Variants in BTK observed in about 807,000 individuals in gnomAD.
BTK encodes the protein tyrosine-protein kinase BTK.
In BTK, 5 loss-of-function variants were observed where a neutral mutation model predicts 57.4. The observed-to-expected ratio is 0.09, with a 90% CI of 0.05 to 0.18. BTK has a LOEUF of 0.18. BTK is among the 10% of genes least tolerant of loss of function. The pLI, the probability that BTK is intolerant of heterozygous loss-of-function variation, is 1.00. For synonymous variants in BTK, 154 were observed against 174.3 expected (o/e 0.88, Z 0.92); for missense variants, 194 against 501.2 (o/e 0.39, Z 5.85).
At chrX:101,389,569 C>T (rs782186904), upstream of BTK, among the ~76,000 whole-genome samples, 4 of 111,358 alleles carry the variant, frequency 3.6e-5, 1 homozygote, top group East Asian at 1.1e-3. Context: ...TCAGGTCCCA[C>T]GCGTGTTCCT....
intron 1 of BTK, among the ~76,000 whole-genome samples, chrX:101,379,640 T>C (rs943319800): frequency 8.9e-6 from 1 of 112,323 alleles, no homozygotes; most frequent in South Asian, 3.7e-4. Context: ...ATTTGTTTTT[T>C]GGTCTTTGAT....
intron 16 of BTK, 171 bp from the exon 17 acceptor site, chrX:101,354,159 G>A: frequency 2.1e-6 from 1 of 466,038 alleles, no homozygotes; most frequent in Non-Finnish European, 3.8e-6. Context: ...TCCTGTTTTT[G>A]TATCTGATTG....
At chrX:101,363,945 G>T (rs899604400) in intron 5 of BTK, among the ~76,000 whole-genome samples, 1 of 102,721 alleles carries the variant, frequency 9.7e-6, no homozygotes, top group Non-Finnish European at 2.0e-5. Context: ...TATTGGAGAT[G>T]GGGTCTTCCT....
intron 5 of BTK, among the ~76,000 whole-genome samples, chrX:101,363,101 A>G (rs1417366859): frequency 8.9e-6 from 1 of 112,194 alleles, no homozygotes; most frequent in Non-Finnish European, 1.9e-5. Context: ...CAGTTCCTTG[A>G]GTGATCTTTT....
At chrX:101,378,354 A>T (rs782746119) in intron 1 of BTK, among the ~76,000 whole-genome samples, 3 of 111,146 alleles carry the variant, frequency 2.7e-5, no homozygotes, top group Non-Finnish European at 5.7e-5. Context: ...AAAGTGCTGG[A>T]ATTACAGGTA....
chrX:101,384,948 T>C (rs1300967060), intron 1 of BTK, among the ~76,000 whole-genome samples: 6 of 111,649 alleles, frequency 5.4e-5, no homozygotes, highest in African/African-American at 2.0e-4. Context: ...TGGGGGACAT[T>C]GGCAGGTCTG....
intron 3 of BTK, among the ~76,000 whole-genome samples, chrX:101,372,453 A>AT (rs1213468686): frequency 8.1e-4 from 85 of 105,051 alleles, no homozygotes; most frequent in Admixed American, 1.1e-3. Flanking sequence ...ATAAAATGCT[A>AT]TTTTTTTTTT....
At chrX:101,375,998 T>C (rs1241576880) in intron 1 of BTK, among the ~76,000 whole-genome samples, 1 of 110,875 alleles carries the variant, frequency 9.0e-6, no homozygotes, top group Non-Finnish European at 1.9e-5. Context: ...TAGTTGTTGT[T>C]TTCTGACCTT....
At chrX:101,371,853 G>A (rs1927043519) in intron 3 of BTK, 152 bp from the exon 4 acceptor site, 1 of 499,078 alleles carries the variant, frequency 2.0e-6, no homozygotes, top group South Asian at 2.7e-5. Context: ...GGCCAATAGG[G>A]ACACATATCC....
intron 5 of BTK, among the ~76,000 whole-genome samples, chrX:101,365,861 C>CTTT (rs1926834170): frequency 8.9e-6 from 1 of 112,005 alleles, no homozygotes; most frequent in Admixed American, 9.5e-5. Context: ...CATAGAAGGG[C>CTTT]CCACTGCCAT....
chrX:101,357,491 A>G lies in BTK; in HGVS notation c.1177+18T>C. The stretch of plus-strand genomic sequence containing the variant: ...GCAACTGGCCAGTCCACCCTACCCC[A>G]GAGAAATAAGGAGTTACCGTATCCC... On this transcript the variant is annotated intron_variant, in intron 13 of 18. Transcript: ENST00000308731. 8.3e-7 allele frequency: 1 copy of G among 1,204,429 alleles called. No individual in the cohort carries two copies. Among genetic ancestry groups the G allele is most frequent in the Non-Finnish European group, 1.1e-6 (1 of 889,059 alleles).
intron 8 of BTK, 134 bp from the exon 9 acceptor site, chrX:101,360,284 AATC>A (rs1225235451): frequency 3.6e-6 from 2 of 554,760 alleles, no homozygotes; most frequent in African/African-American, 4.5e-5. Flanking sequence ...CCTCAAAGAC[AATC>A]ATGTCTCTGA....
chrX:101,351,872 A>C lies in BTK; in HGVS notation c.1908+1322T>G, dbSNP rs374372408. Among the ~76,000 whole-genome samples, 17 of 112,115 alleles carry C rather than the reference A, an allele frequency of 1.5e-4. 3 individuals carry two copies. The highest frequency in any genetic ancestry group is 1.4e-3 in the East Asian group (5 of 3,561). On this transcript the variant is annotated intron_variant, in intron 18 of 18. Coordinates refer to ENST00000308731, the MANE Select transcript of BTK (RefSeq NM_000061.3). ...CTTTCAAGCAGTAGGTTTTAAAAAAAATCTCATTTAGCCGGGCGCTGTGGC... is the reference window on the plus strand; with the variant it reads ...CTTTCAAGCAGTAGGTTTTAAAAAACATCTCATTTAGCCGGGCGCTGTGGC...
chrX:101,354,317 T>A, intron 16 of BTK: 1 of 407,753 alleles, frequency 2.5e-6, no homozygotes. Context: ...GGAATTAGAC[T>A]GATTAAGAAA....
chrX:101,354,597 T>A, intron 16 of BTK, 33 bp downstream of exon 16: 1 of 1,194,140 alleles, frequency 8.4e-7, no homozygotes, highest in Non-Finnish European at 1.1e-6. Flanking sequence ...CTATTTTTAC[T>A]TCTGGAGGGA....
chrX:101,389,625 G>GC (rs1927723349), upstream of BTK, among the ~76,000 whole-genome samples: 1 of 111,422 alleles, frequency 9.0e-6, no homozygotes. Context: ...CGGTTCTTCA[G>GC]CCCCTATTCC....
chrX:101,379,890 CTCT>C (rs1927356432), intron 1 of BTK, among the ~76,000 whole-genome samples: 1 of 111,910 alleles, frequency 8.9e-6, no homozygotes. Context: ...CACTTGAGGA[CTCT>C]TCTTAGTCTT....
At chrX:101,366,707 G>A (rs782362489) in intron 5 of BTK, among the ~76,000 whole-genome samples, 3 of 109,249 alleles carry the variant, frequency 2.7e-5, no homozygotes, top group South Asian at 4.0e-4. Context: ...AGCCCAGGAC[G>A]GTTCAACAAG....
intron 7 of BTK, among the ~76,000 whole-genome samples, chrX:101,361,715 GAC>G (rs2147434278): frequency 9.0e-6 from 1 of 110,798 alleles, no homozygotes; most frequent in Admixed American, 9.6e-5. Context: ...ACAACATGGT[GAC>G]ACCCCCATCT....
Sources: gnomAD v4.1 joint callset for allele counts (sites outside exome capture counted in the v4.1 genomes callset) on GRCh38, gnomAD v4.1.1 for gene constraint, MANE v1.5 for transcripts, NCBI Gene and HGNC (gene_info 2026-07-23, HGNC 2026-07-21) for gene names.